Variants in DOCK3 observed in about 807,000 individuals in gnomAD.
The protein encoded by DOCK3 is dedicator of cytokinesis protein 3.
A neutral mutation model predicts 265.6 loss-of-function variants in DOCK3; 60 were observed. The ratio of observed to expected loss-of-function variants is 0.23; its 90% confidence interval spans 0.18 to 0.28. The LOEUF is 0.28. Among genes scored for constraint, DOCK3 ranks in the 10% least tolerant of loss-of-function variants. The pLI is 1.00. For missense variants in DOCK3, 1,981 were observed against 2,594.3 expected (o/e 0.76, Z 5.14); for synonymous variants, 881 against 938.0 (o/e 0.94, Z 1.11).
At chr3:51,160,066 C>T (rs2086056363) in intron 11 of DOCK3, among the ~76,000 whole-genome samples, 2 of 152,230 alleles carry the variant, frequency 1.3e-5, no homozygotes, top group Admixed American at 1.3e-4. Flanking sequence ...AGTAAACACT[C>T]ATCCACTTTC....
intron 8 of DOCK3, 26 bp from the exon 9 acceptor site, chr3:51,090,204 C>A: frequency 6.6e-7 from 1 of 1,518,866 alleles, no homozygotes; most frequent in Non-Finnish European, 8.8e-7. Flanking sequence ...AAATAAAAAT[C>A]ACTGGGTTTT....
chr3:51,065,402 G>A (rs903493897), intron 6 of DOCK3, among the ~76,000 whole-genome samples: 2 of 152,088 alleles, frequency 1.3e-5, no homozygotes, highest in Non-Finnish European at 2.9e-5. Flanking sequence ...CCCATTTCTG[G>A]AAGCCGGAAA....
At chr3:51,235,212 A>T (rs998878301) in intron 19 of DOCK3, among the ~76,000 whole-genome samples, 2 of 152,226 alleles carry the variant, frequency 1.3e-5, no homozygotes, top group African/African-American at 2.4e-5. Context: ...TTATCATAAA[A>T]ATTTTTTAAC....
intron 6 of DOCK3, among the ~76,000 whole-genome samples, chr3:51,068,365 C>A (rs2081689933): frequency 6.6e-6 from 1 of 150,882 alleles, no homozygotes; most frequent in African/African-American, 2.5e-5. Flanking sequence ...ACGGTGAAAC[C>A]CTGTCTCTAC....
intron 1 of DOCK3, among the ~76,000 whole-genome samples, chr3:50,735,265 G>A (rs965237967): frequency 1.9e-4 from 29 of 152,248 alleles, no homozygotes; most frequent in Middle Eastern, 3.4e-3. Context: ...TGATTATAAT[G>A]TGCCTCACTG....
At chr3:51,155,487 G>A (rs2085802699) in intron 10 of DOCK3, among the ~76,000 whole-genome samples, 1 of 152,154 alleles carries the variant, frequency 6.6e-6, no homozygotes, top group Admixed American at 6.6e-5. Flanking sequence ...TGTGTGTGCT[G>A]CAAAGTCTCA....
intron 32 of DOCK3, among the ~76,000 whole-genome samples, chr3:51,320,757 G>A (rs552029509): frequency 9.9e-5 from 15 of 152,152 alleles, no homozygotes; most frequent in South Asian, 2.1e-4. Flanking sequence ...AGGCTGCTGC[G>A]GCCAGAATGC....
chr3:50,775,736 C>G (rs1162153072), intron 1 of DOCK3, among the ~76,000 whole-genome samples: 1 of 152,006 alleles, frequency 6.6e-6, no homozygotes, highest in African/African-American at 2.4e-5. Flanking sequence ...TTTTATTTCT[C>G]AACCCCTTCC....
intron 1 of DOCK3, among the ~76,000 whole-genome samples, chr3:50,695,362 TTCTA>T (rs2035543952): frequency 6.6e-6 from 1 of 152,266 alleles, no homozygotes; most frequent in South Asian, 2.1e-4. Flanking sequence ...GTGATTTTTT[TTCTA>T]TCTAAGTGCA....
At chr3:51,223,952 G>A (rs2090210976) in intron 14 of DOCK3, among the ~76,000 whole-genome samples, 1 of 152,144 alleles carries the variant, frequency 6.6e-6, no homozygotes, top group South Asian at 2.1e-4. Context: ...GAGGGCCCAA[G>A]CAGCAATGTC....
At chr3:50,933,465 T>G (rs1302976702) in intron 4 of DOCK3, among the ~76,000 whole-genome samples, 1 of 152,200 alleles carries the variant, frequency 6.6e-6, no homozygotes, top group African/African-American at 2.4e-5. Flanking sequence ...ATTCCTCTGC[T>G]GACATTATGT....
intron 9 of DOCK3, among the ~76,000 whole-genome samples, chr3:51,121,812 G>A (rs897882034): frequency 6.6e-6 from 1 of 152,094 alleles, no homozygotes; most frequent in African/African-American, 2.4e-5. Context: ...TAAATCAGCT[G>A]AGTGAGGTTG....
chr3:51,290,073 T>G (rs1166742845), intron 27 of DOCK3, among the ~76,000 whole-genome samples: 1 of 152,284 alleles, frequency 6.6e-6, no homozygotes, highest in African/African-American at 2.4e-5. Context: ...AGGAACACTT[T>G]TACACTGTTG....
rs189410628 is a variant in DOCK3 at position 51,157,898 on chromosome 3, C to T, written c.829-1346C>T. Among the ~76,000 whole-genome samples the T allele has an allele frequency of 3.4e-3, 510 of 151,388 alleles. 2 individuals carry two copies. Among genetic ancestry groups the T allele is most frequent in the Non-Finnish European group, 5.7e-3 (384 of 67,854 alleles). On this transcript the variant is annotated intron_variant, in intron 10 of 52. Coordinates refer to ENST00000266037, the MANE Select transcript of DOCK3 (RefSeq NM_004947.5). Reference sequence around the variant, plus strand: ...TCGGCTCACTGCAAGCTCTGCCTCCCGGGTTCATGCCATTCTCCTGCCTCA... The same window carrying T: ...TCGGCTCACTGCAAGCTCTGCCTCCTGGGTTCATGCCATTCTCCTGCCTCA...
chr3:50,723,507 C>T lies in DOCK3; in HGVS notation c.37+48207C>T, dbSNP rs1228927142. Among the ~76,000 whole-genome samples, 3 of 151,464 alleles carry T rather than the reference C, an allele frequency of 2.0e-5. 1 individual carries two copies. The East Asian group carries it at 5.8e-4, about 29-fold the overall frequency. On this transcript the variant is annotated intron_variant, in intron 1 of 52. Coordinates refer to ENST00000266037, the MANE Select transcript of DOCK3 (RefSeq NM_004947.5). The stretch of plus-strand genomic sequence containing the variant: ...CCAACATCGCGAAACCTCGTATCTA[C>T]TTTGGAACAGAACAGAGGCCTCAGA...
At chr3:50,805,074 C>T (rs1281925203) in intron 2 of DOCK3, among the ~76,000 whole-genome samples, 1 of 151,964 alleles carries the variant, frequency 6.6e-6, no homozygotes, top group African/African-American at 2.4e-5. Context: ...GACGTGTTTT[C>T]TTGCTTTTTC....
At chr3:50,693,727 G>A (rs1329739900) in intron 1 of DOCK3, among the ~76,000 whole-genome samples, 1 of 150,484 alleles carries the variant, frequency 6.6e-6, no homozygotes, top group Admixed American at 6.6e-5. Context: ...GGTAGAGATG[G>A]GGTTTCACCA....
intron 4 of DOCK3, among the ~76,000 whole-genome samples, chr3:50,926,031 C>T (rs1039798686): frequency 1.3e-5 from 2 of 151,836 alleles, no homozygotes; most frequent in Non-Finnish European, 2.9e-5. Context: ...TAGGGTTTTA[C>T]CATGTCGGCC....
At chr3:51,215,857 A>C (rs1419756164) in intron 14 of DOCK3, among the ~76,000 whole-genome samples, 1 of 152,126 alleles carries the variant, frequency 6.6e-6, no homozygotes, top group Non-Finnish European at 1.5e-5. Context: ...ATGCTTATGA[A>C]AGCTGTTGTA....
Sources: gnomAD v4.1 joint callset for allele counts (sites outside exome capture counted in the v4.1 genomes callset) on GRCh38, gnomAD v4.1.1 for gene constraint, MANE v1.5 for transcripts, NCBI Gene and HGNC (gene_info 2026-07-23, HGNC 2026-07-21) for gene names.